Variants in ALPK2 observed in about 807,000 individuals in gnomAD.
The protein encoded by ALPK2 is alpha-protein kinase 2.
A neutral mutation model predicts 163.1 loss-of-function variants in ALPK2; 127 were observed. The observed-to-expected ratio is 0.78, with a 90% CI of 0.67 to 0.90. The LOEUF is 0.90. ALPK2 is among the 40% of genes least tolerant of loss of function. The probability of loss-of-function intolerance (pLI) is 0.00; values close to 1 mark genes in which losing one functional copy is unlikely to be tolerated. For synonymous variants in ALPK2, 953 were observed against 959.1 expected (o/e 0.99, Z 0.12); for missense variants, 2,360 against 2,589.6 (o/e 0.91, Z 1.92).
intron 4 of ALPK2, among the ~76,000 whole-genome samples, chr18:58,555,214 A>T (rs1349490643): frequency 2.0e-5 from 3 of 152,212 alleles, no homozygotes; most frequent in African/African-American, 4.8e-5. Flanking sequence ...ACAACTGGTT[A>T]AGCCAGAGCC....
chr18:58,578,733 GACAC>G lies in ALPK2; in HGVS notation c.1962+77_1962+80del, dbSNP rs71173065. On this transcript the variant is annotated intron_variant, in intron 4 of 12. Transcript: ENST00000361673. Reference sequence around the variant, plus strand: ...ATTGTGAATGTGAAGTAAAGGAAGAGACACACACACACACACACACACACACACA... The same window carrying G: ...ATTGTGAATGTGAAGTAAAGGAAGAGACACACACACACACACACACACACA... 2.7e-3 allele frequency: 1,414 copies of G among 529,594 alleles called. 8 individuals carry two copies. The highest frequency in any genetic ancestry group is 3.3e-3 in the Admixed American group (96 of 29,280). The allele number at this position is 529,594 out of a possible 1,614,324, so 32.8% of individuals were successfully genotyped here.
chr18:58,491,657 C>G (rs757469772), intron 12 of ALPK2, among the ~76,000 whole-genome samples: 2 of 152,170 alleles, frequency 1.3e-5, no homozygotes, highest in Non-Finnish European at 2.9e-5. Flanking sequence ...CCCCAATCCC[C>G]AAATTTTCAG....
At chr18:58,597,463 A>C (rs1365403348) in intron 3 of ALPK2, among the ~76,000 whole-genome samples, 1 of 152,208 alleles carries the variant, frequency 6.6e-6, no homozygotes, top group Non-Finnish European at 1.5e-5. Flanking sequence ...AGATACTGTA[A>C]TCATTCCCAT....
chr18:58,605,433 C>A (rs530132201), intron 3 of ALPK2, among the ~76,000 whole-genome samples: 37 of 152,302 alleles, frequency 2.4e-4, no homozygotes, highest in Non-Finnish European at 4.7e-4. Flanking sequence ...TAGATGTCTC[C>A]ATCCATCCTT....
chr18:58,587,798 G>A (rs1259189295), intron 3 of ALPK2, among the ~76,000 whole-genome samples: 1 of 151,980 alleles, frequency 6.6e-6, no homozygotes, highest in Non-Finnish European at 1.5e-5. Context: ...TAGGAGAGAA[G>A]ATAGAGAAAA....
intron 1 of ALPK2, among the ~76,000 whole-genome samples, chr18:58,624,270 C>T (rs756120454): frequency 6.6e-5 from 10 of 152,174 alleles, no homozygotes; most frequent in East Asian, 1.9e-4. Flanking sequence ...TGAACCTCAG[C>T]GAAGGCCAAT....
At chr18:58,618,978 G>A (rs1229072507) in intron 1 of ALPK2, among the ~76,000 whole-genome samples, 1 of 152,202 alleles carries the variant, frequency 6.6e-6, no homozygotes, top group Non-Finnish European at 1.5e-5. Context: ...AGCGGGGACA[G>A]GAGGGATTAG....
intron 3 of ALPK2, among the ~76,000 whole-genome samples, chr18:58,603,723 T>A (rs59508726): frequency 0.16 from 21,119 of 135,494 alleles, 1,598 homozygotes; most frequent in Non-Finnish European, 0.17. Flanking sequence ...TCCCCGTTTG[T>A]ATACACATCG....
Position 58,481,750 on chromosome 18 carries a change from C to A in ALPK2, c.*73G>T, listed in dbSNP as rs771211292. ...ACTCTCTGCAGGCTGTATATTCTCT[C>A]CTGTGTGGCCTCAGATTTTCCCTGG... On this transcript the variant is annotated 3_prime_UTR_variant, in exon 13 of 13. Coordinates refer to ENST00000361673, the MANE Select transcript of ALPK2 (RefSeq NM_052947.4). The A allele has an allele frequency of 1.6e-6, 2 of 1,255,696 alleles. No individual in the cohort carries two copies. Among genetic ancestry groups the A allele is most frequent in the African/African-American group, 1.5e-5 (1 of 66,904 alleles). The allele number at this position is 1,255,696 out of a possible 1,614,324, so 77.8% of individuals were successfully genotyped here.
chr18:58,592,564 G>A (rs888467389), intron 3 of ALPK2, among the ~76,000 whole-genome samples: 1 of 152,222 alleles, frequency 6.6e-6, no homozygotes, highest in Non-Finnish European at 1.5e-5. Context: ...TTCGCAGGAG[G>A]TAGGGCTGGG....
intron 1 of ALPK2, among the ~76,000 whole-genome samples, chr18:58,624,858 G>A (rs2052221359): frequency 6.6e-6 from 1 of 152,146 alleles, no homozygotes. Flanking sequence ...CTCTATGTTG[G>A]ACATCAAGTT....
intron 12 of ALPK2, among the ~76,000 whole-genome samples, chr18:58,490,970 G>A (rs924192249): frequency 2.0e-5 from 3 of 152,192 alleles, no homozygotes; most frequent in East Asian, 1.9e-4. Flanking sequence ...AAATGGAAAC[G>A]AATTGAAGAC....
chr18:58,609,668 G>T (rs1042059124), intron 2 of ALPK2, among the ~76,000 whole-genome samples: 1 of 152,168 alleles, frequency 6.6e-6, no homozygotes, highest in Non-Finnish European at 1.5e-5. Context: ...TAGGGAAGTG[G>T]TATCTGGTAT....
chr18:58,601,882 T>A (rs902776379), intron 3 of ALPK2, among the ~76,000 whole-genome samples: 6 of 152,198 alleles, frequency 3.9e-5, no homozygotes, highest in African/African-American at 1.4e-4. Flanking sequence ...TTGCTCAACC[T>A]TGGTGCTCCA....
intron 10 of ALPK2, among the ~76,000 whole-genome samples, chr18:58,509,145 T>G (rs2051476664): frequency 6.6e-6 from 1 of 151,676 alleles, no homozygotes; most frequent in Non-Finnish European, 1.5e-5. Context: ...TTTGGTTTTT[T>G]GTCCTTGTGA....
intron 2 of ALPK2, among the ~76,000 whole-genome samples, chr18:58,609,394 C>A (rs569720695): frequency 6.6e-6 from 1 of 152,164 alleles, no homozygotes; most frequent in African/African-American, 2.4e-5. Context: ...TCTTGTCAAC[C>A]CTGTGTCCTC....
intron 12 of ALPK2, among the ~76,000 whole-genome samples, chr18:58,489,473 C>T (rs56021430): frequency 0.16 from 23,735 of 151,830 alleles, 1,993 homozygotes; most frequent in East Asian, 0.38. Context: ...ACTGCTTGAA[C>T]CCAGCAGTTT....
chr18:58,576,284 G>A (rs2051921394), intron 4 of ALPK2, among the ~76,000 whole-genome samples: 1 of 152,152 alleles, frequency 6.6e-6, no homozygotes, highest in South Asian at 2.1e-4. Context: ...TGAGGCAGGA[G>A]AATCTCTTGA....
intron 10 of ALPK2, among the ~76,000 whole-genome samples, chr18:58,509,720 T>C (rs2144118522): frequency 6.6e-6 from 1 of 152,228 alleles, no homozygotes; most frequent in South Asian, 2.1e-4. Context: ...CACCCACTTG[T>C]TGATGGGGTT....
Sources: gnomAD v4.1 joint callset for allele counts (sites outside exome capture counted in the v4.1 genomes callset) on GRCh38, gnomAD v4.1.1 for gene constraint, MANE v1.5 for transcripts, NCBI Gene and HGNC (gene_info 2026-07-23, HGNC 2026-07-21) for gene names.